Variants in RAB31 observed in about 807,000 individuals in gnomAD.
RAB31 encodes RAB31, member RAS oncogene family, also known as ras-related protein Rab-31.
RAB31 carries 21 observed loss-of-function variants against 25.6 expected under a neutral mutation model. The ratio of observed to expected loss-of-function variants is 0.82; its 90% CI spans 0.58 to 1.18. The LOEUF is 1.18. Among genes scored for constraint, RAB31 ranks in the 50% most tolerant of loss-of-function variants. The pLI, the probability that RAB31 is intolerant of heterozygous loss-of-function variation, is 0.00. For synonymous variants in RAB31, 87 were observed against 84.0 expected, an observed-to-expected ratio of 1.04 and a Z score of -0.20; for missense variants, 196 against 250.1, an observed-to-expected ratio of 0.78 and a Z score of 1.46.
At chr18:9,825,947 A>C (rs892277870) in intron 5 of RAB31, among the ~76,000 whole-genome samples, 6 of 152,174 alleles carry the variant, frequency 3.9e-5, no homozygotes, top group African/African-American at 1.4e-4. Context: ...GGCAGGAAGG[A>C]GTGGGGGACA....
At chr18:9,757,751 G>A (rs989116519) in intron 1 of RAB31, among the ~76,000 whole-genome samples, 6 of 152,230 alleles carry the variant, frequency 3.9e-5, no homozygotes, top group African/African-American at 1.4e-4. Flanking sequence ...GTGCAGGAAT[G>A]TCAGAAGTAG....
chr18:9,812,764 CT>C (rs934381125), intron 3 of RAB31, among the ~76,000 whole-genome samples: 1 of 130,040 alleles, frequency 7.7e-6, no homozygotes, highest in Non-Finnish European at 1.6e-5. Context: ...GTTTTGCAAT[CT>C]TAGCTCACTG....
chr18:9,759,355 A>G (rs1287979509), intron 1 of RAB31, among the ~76,000 whole-genome samples: 1 of 151,886 alleles, frequency 6.6e-6, no homozygotes, highest in East Asian at 1.9e-4. Context: ...ATTTTTCATA[A>G]AGACAGTGTC....
chr18:9,857,152 A>G (rs1248794242), intron 6 of RAB31, among the ~76,000 whole-genome samples: 1 of 152,154 alleles, frequency 6.6e-6, no homozygotes, highest in African/African-American at 2.4e-5. Context: ...AATTGTTGCA[A>G]ACTTTTCATT....
intron 1 of RAB31, among the ~76,000 whole-genome samples, chr18:9,721,947 A>T (rs1307341829): frequency 1.3e-5 from 2 of 152,150 alleles, no homozygotes; most frequent in Non-Finnish European, 2.9e-5. Flanking sequence ...CTGAGTGAAG[A>T]TCAAAGAGAC....
chr18:9,800,371 A>T (rs1184591349), intron 3 of RAB31, among the ~76,000 whole-genome samples: 2 of 152,188 alleles, frequency 1.3e-5, no homozygotes, highest in African/African-American at 4.8e-5. Flanking sequence ...ATGACGTTCC[A>T]ACACAAATTT....
At chr18:9,825,187 G>A (rs1296182670) in intron 5 of RAB31, among the ~76,000 whole-genome samples, 1 of 152,216 alleles carries the variant, frequency 6.6e-6, no homozygotes, top group African/African-American at 2.4e-5. Context: ...CAGCTGACTT[G>A]CCTGGTCAAG....
intron 6 of RAB31, among the ~76,000 whole-genome samples, chr18:9,853,026 A>G (rs2068797013): frequency 6.6e-6 from 1 of 152,160 alleles, no homozygotes; most frequent in African/African-American, 2.4e-5. Flanking sequence ...CAATTTGTAT[A>G]ACTTGGTGAA....
At chr18:9,753,222 T>C (rs2068244152) in intron 1 of RAB31, among the ~76,000 whole-genome samples, 1 of 152,230 alleles carries the variant, frequency 6.6e-6, no homozygotes, top group South Asian at 2.1e-4. Flanking sequence ...ACGTTGAAAC[T>C]TAATTCCCAG....
intron 5 of RAB31, among the ~76,000 whole-genome samples, chr18:9,835,409 G>T (rs550476229): frequency 6.6e-6 from 1 of 151,518 alleles, no homozygotes; most frequent in Non-Finnish European, 1.5e-5. Flanking sequence ...AAGAGGCAAA[G>T]GAATGGCCAA....
intron 1 of RAB31, among the ~76,000 whole-genome samples, chr18:9,749,731 T>C (rs1444549879): frequency 6.6e-6 from 1 of 152,240 alleles, no homozygotes; most frequent in East Asian, 1.9e-4. Context: ...TCTTGATATA[T>C]TAGTCCAGAG....
intron 1 of RAB31, among the ~76,000 whole-genome samples, chr18:9,734,567 G>A (rs1404327137): frequency 6.6e-6 from 1 of 152,156 alleles, no homozygotes; most frequent in Non-Finnish European, 1.5e-5. Context: ...TGAATTGTTA[G>A]TGAAGGTGAG....
chr18:9,752,339 C>T (rs1427675720), intron 1 of RAB31, among the ~76,000 whole-genome samples: 1 of 152,118 alleles, frequency 6.6e-6, no homozygotes, highest in Non-Finnish European at 1.5e-5. Context: ...ATTCTCCTGT[C>T]TAAGCCTCCT....
rs550923568 is a variant in RAB31 at position 9,792,906 on chromosome 18, G to A, written c.201+671G>A. On this transcript the variant is annotated intron_variant, in intron 3 of 6. Transcript: ENST00000578921. ...CTGGAAAAGTGGGTAAATGGATGCT[G>A]GGTTATCAAAACAGTGGATGACTTC... Among the ~76,000 whole-genome samples the A allele has an allele frequency of 2.0e-5, 3 of 152,234 alleles. No homozygotes were observed. In the South Asian group the frequency reaches 6.2e-4, roughly 32 times the overall value.
rs149463421 is a variant in RAB31, at chr18:9,861,175, T to C, written c.*1850T>C. ...CCAGCTGAGTTGCAGGCTTATTTTGTAACCTTTCCTCATCCAGTTTTCCCT... is the reference window on the plus strand; with the variant it reads ...CCAGCTGAGTTGCAGGCTTATTTTGCAACCTTTCCTCATCCAGTTTTCCCT... On this transcript the variant is annotated 3_prime_UTR_variant, in exon 7 of 7. Coordinates refer to ENST00000578921, the MANE Select transcript of RAB31 (RefSeq NM_006868.4). 1 of 152,250 alleles carries C rather than the reference T, an allele frequency of 6.6e-6. No homozygotes were observed. The highest frequency in any genetic ancestry group is 1.5e-5 in the Non-Finnish European group (1 of 68,014). 9.4% of individuals were successfully genotyped at this position (152,250 alleles called of 1,614,324 possible).
At chr18:9,856,551 T>C (rs1274823318) in intron 6 of RAB31, among the ~76,000 whole-genome samples, 12 of 152,238 alleles carry the variant, frequency 7.9e-5, no homozygotes. Flanking sequence ...AAGCTAATGC[T>C]GTTCTGCTAA....
chr18:9,794,303 T>A (rs189151796), intron 3 of RAB31, among the ~76,000 whole-genome samples: 52 of 152,366 alleles, frequency 3.4e-4, no homozygotes, highest in African/African-American at 1.2e-3. Context: ...TGGTAATTTA[T>A]ATAATTTTCA....
At chr18:9,858,628 A>T (rs1391905085) in intron 6 of RAB31, among the ~76,000 whole-genome samples, 1 of 152,172 alleles carries the variant, frequency 6.6e-6, no homozygotes, top group Admixed American at 6.5e-5. Context: ...TAAAAATAAG[A>T]TTACTTGTGG....
chr18:9,845,837 T>G, intron 6 of RAB31, 146 bp downstream of exon 6: 1 of 1,241,102 alleles, frequency 8.1e-7, no homozygotes, highest in Non-Finnish European at 1.1e-6. Context: ...AGCTATGCAG[T>G]TGTTAATACC....
Sources: allele counts gnomAD v4.1 joint callset (sites outside exome capture counted in the v4.1 genomes callset), GRCh38; gene constraint gnomAD v4.1.1; transcripts MANE v1.5; gene names NCBI Gene and HGNC (gene_info 2026-07-23, HGNC 2026-07-21).